Variants in EXD3 observed in about 807,000 individuals in gnomAD.
EXD3 encodes the protein exonuclease 3'-5' domain containing 3.
A neutral mutation model predicts 98.0 loss-of-function variants in EXD3; 92 were observed. The observed-to-expected ratio is 0.94, with a 90% CI of 0.79 to 1.12. The LOEUF is 1.12. Ranked by LOEUF, EXD3 falls within the 50% of genes most tolerant of loss-of-function variation. The pLI is 0.00. For synonymous variants in EXD3, 569 were observed against 526.0 expected (o/e 1.08, Z -1.12); for missense variants, 1,222 against 1,191.6 (o/e 1.03, Z -0.38).
chr9:137,398,943 C>T (rs1360012174), intron 1 of EXD3, among the ~76,000 whole-genome samples: 15 of 150,994 alleles, frequency 9.9e-5, no homozygotes, highest in Non-Finnish European at 1.6e-4. Context: ...TGTGCACCCG[C>T]GTCCCCAAGA....
chr9:137,327,625 A>G (rs1406915850), intron 17 of EXD3, among the ~76,000 whole-genome samples: 1 of 151,996 alleles, frequency 6.6e-6, no homozygotes, highest in Non-Finnish European at 1.5e-5. Flanking sequence ...TCGTGGTAAT[A>G]ACAAATATAC....
Position 137,323,820 on chromosome 9 carries a change from C to T in EXD3, c.2089G>A (p.Val697Ile), listed in dbSNP as rs368532872. 28 of 1,611,942 alleles carry T rather than the reference C, an allele frequency of 1.7e-5. No individual in the cohort carries two copies. The African/African-American group carries it at 3.3e-4, about 19-fold the overall frequency. The change falls in exon 19 of 22, where the codon GTC becomes ATC. Residue 697 changes from valine (V) to isoleucine (I), a missense_variant. Physicochemically the swap from Val to Ile is conservative, Grantham distance 29. Transcript: ENST00000340951. ...TGCTGGGCCTTCAGGGAGCAGTCGA[C>T]CGAGAGGCAGCGCCCAGCCCCGACC... ...AQVGAGRCLS[V>I]DCSLKAQQQA...
At chr9:137,406,808 A>C in intron 1 of EXD3, among the ~76,000 whole-genome samples, 1 of 149,792 alleles carries the variant, frequency 6.7e-6, no homozygotes, top group African/African-American at 2.5e-5. Flanking sequence ...CTGTGTCCCG[A>C]CCCCCACCCC....
chr9:137,412,124 A>G (rs1003317306), intron 1 of EXD3, among the ~76,000 whole-genome samples: 1 of 152,164 alleles, frequency 6.6e-6, no homozygotes, highest in African/African-American at 2.4e-5. Context: ...CGCCACCCCC[A>G]GGATGCGGCA....
At chr9:137,376,365 A>G (rs1588382320) in intron 3 of EXD3, among the ~76,000 whole-genome samples, 3 of 150,816 alleles carry the variant, frequency 2.0e-5, no homozygotes, top group Admixed American at 2.0e-4. Flanking sequence ...AAAAAAAAAA[A>G]AAAGAAATGC....
intron 19 of EXD3, among the ~76,000 whole-genome samples, chr9:137,311,957 C>A (rs1465354076): frequency 6.6e-6 from 1 of 152,140 alleles, no homozygotes; most frequent in Non-Finnish European, 1.5e-5. Flanking sequence ...TGAGACCCGC[C>A]CCCCAGCACT....
At chr9:137,355,490 GAT>G (rs1564508268) in intron 8 of EXD3, among the ~76,000 whole-genome samples, 3,935 of 26,968 alleles carry the variant, frequency 0.15, 40 homozygotes, top group South Asian at 0.18. Context: ...GAGGAAGGAG[GAT>G]GGAGGAAGGA....
intron 1 of EXD3, among the ~76,000 whole-genome samples, chr9:137,420,817 GTGTT>G (rs1444161714): frequency 6.6e-6 from 1 of 150,852 alleles, no homozygotes; most frequent in Admixed American, 6.7e-5. Context: ...GACATGGGAA[GTGTT>G]TGTTTTGTTT....
At chr9:137,332,944 G>A (rs909131741) in intron 17 of EXD3, among the ~76,000 whole-genome samples, 5 of 152,184 alleles carry the variant, frequency 3.3e-5, no homozygotes, top group African/African-American at 1.2e-4. Flanking sequence ...AGGATGCAAA[G>A]TATTGATCCT....
At chr9:137,343,629 C>T (rs1194381161) in intron 17 of EXD3, 2 of 103,894 alleles carry the variant, frequency 1.9e-5, no homozygotes, top group East Asian at 6.5e-4. Context: ...CGCTCTGTTA[C>T]CCAGGCTGGA....
At chr9:137,420,745 C>CCA (rs1554743369) in intron 1 of EXD3, among the ~76,000 whole-genome samples, 2 of 148,004 alleles carry the variant, frequency 1.4e-5, no homozygotes, top group African/African-American at 2.5e-5. Flanking sequence ...TCACCCCCCC[C>CCA]CCCAAATTCA....
chr9:137,333,519 T>C (rs1833202279), intron 17 of EXD3, among the ~76,000 whole-genome samples: 1 of 152,126 alleles, frequency 6.6e-6, no homozygotes, highest in Admixed American at 6.6e-5. Flanking sequence ...AGCCACGGTG[T>C]TGGAGGTGGG....
At chr9:137,402,923 G>C (rs1440145165) in intron 1 of EXD3, among the ~76,000 whole-genome samples, 1 of 152,136 alleles carries the variant, frequency 6.6e-6, no homozygotes, top group Non-Finnish European at 1.5e-5. Flanking sequence ...CCCTGATAAA[G>C]CCATCAGATC....
At chr9:137,414,061 C>T (rs941999035) in intron 1 of EXD3, among the ~76,000 whole-genome samples, 10 of 151,918 alleles carry the variant, frequency 6.6e-5, no homozygotes, top group African/African-American at 2.4e-4. Flanking sequence ...GGACTACAGG[C>T]GTCCGCCACC....
rs1471310310 is a variant in EXD3, at chr9:137,373,165, C to T, written c.295-93G>A. ...GCAGGCCTGGCTTAGGAAGCAGCGC[C>T]TGCCACTGTGGCCATGTGTGGGCAT... On this transcript the variant is annotated intron_variant, in intron 4 of 21. Transcript: ENST00000340951. 4.9e-6 allele frequency: 7 copies of T among 1,420,168 alleles called. No individual in the cohort carries two copies. In the East Asian group the frequency reaches 1.4e-4, roughly 28 times the overall value. The allele number at this position is 1,420,168 out of a possible 1,614,324, so 88.0% of individuals were successfully genotyped here.
At chr9:137,351,233 C>T (rs1834283553) in intron 13 of EXD3, 85 bp downstream of exon 13, 15 of 1,532,726 alleles carry the variant, frequency 9.8e-6, no homozygotes, top group Non-Finnish European at 1.3e-5. Flanking sequence ...AGCACCCTCC[C>T]CGGGGCACAC....
At chr9:137,383,231 GCCT>G (rs986231585) in intron 3 of EXD3, 79 bp downstream of exon 3, 23 of 1,170,954 alleles carry the variant, frequency 2.0e-5, no homozygotes, top group Non-Finnish European at 2.6e-5. Context: ...GACCAGGGAG[GCCT>G]CCTGTTAGGC....
chr9:137,330,994 G>A (rs1395527798), intron 17 of EXD3, among the ~76,000 whole-genome samples: 1 of 152,104 alleles, frequency 6.6e-6, no homozygotes, highest in East Asian at 1.9e-4. Context: ...CAGCAGGGAA[G>A]GTATGAAAGA....
chr9:137,420,656 G>T (rs1300281881), intron 1 of EXD3, among the ~76,000 whole-genome samples: 1 of 151,784 alleles, frequency 6.6e-6, no homozygotes, highest in Admixed American at 6.6e-5. Flanking sequence ...AAGGTTCTTG[G>T]CCTTGAGGTA....
Sources: allele counts gnomAD v4.1 joint callset (sites outside exome capture counted in the v4.1 genomes callset), GRCh38; gene constraint gnomAD v4.1.1; transcripts MANE v1.5; gene names NCBI Gene and HGNC (gene_info 2026-07-23, HGNC 2026-07-21).